The following CACNA2D1 variants were observed in gnomAD, a reference collection of about 807,000 sequenced individuals.
CACNA2D1 encodes calcium voltage-gated channel auxiliary subunit alpha2delta 1.
CACNA2D1 carries 53 observed loss-of-function variants against 171.5 expected under a neutral mutation model. The ratio of observed to expected loss-of-function variants is 0.31; its 90% CI spans 0.25 to 0.39. The LOEUF (loss-of-function observed/expected upper bound fraction) is 0.39. Among genes scored for constraint, CACNA2D1 ranks in the 10% least tolerant of loss-of-function variants. The pLI is 1.00. For missense variants in CACNA2D1, 903 were observed against 1,299.8 expected (o/e 0.69, Z 4.69); for synonymous variants, 442 against 443.1 (o/e 1.00, Z 0.03).
At chr7:82,199,749 A>G (rs1799220773) in intron 3 of CACNA2D1, among the ~76,000 whole-genome samples, 1 of 152,116 alleles carries the variant, frequency 6.6e-6, no homozygotes, top group South Asian at 2.1e-4. Flanking sequence ...AAGTAAAAGC[A>G]TATGTCCATA....
chr7:82,226,704 T>G (rs1443724941), intron 3 of CACNA2D1, among the ~76,000 whole-genome samples: 1 of 152,212 alleles, frequency 6.6e-6, no homozygotes, highest in African/African-American at 2.4e-5. Context: ...AAATAAATAC[T>G]ATGAGATCAG....
intron 3 of CACNA2D1, among the ~76,000 whole-genome samples, chr7:82,219,010 A>C (rs2367914): frequency 0.61 from 92,134 of 151,940 alleles, 28,751 homozygotes; most frequent in East Asian, 0.81. Context: ...CTTCTTTTCT[A>C]TATTCTGTGA....
chr7:82,250,038 T>A (rs1474464206), intron 3 of CACNA2D1, among the ~76,000 whole-genome samples: 1 of 152,258 alleles, frequency 6.6e-6, no homozygotes, highest in African/African-American at 2.4e-5. Context: ...AGCGAGGGTC[T>A]TCCCATGGTG....
At chr7:82,407,118 G>A (rs528216626) in intron 1 of CACNA2D1, among the ~76,000 whole-genome samples, 17 of 152,260 alleles carry the variant, frequency 1.1e-4, no homozygotes, top group South Asian at 2.1e-4. Context: ...GTTGCAGCAC[G>A]GCTCAAATTA....
At position 82,223,519 on chromosome 7, in the gene CACNA2D1, T is replaced by C. The variant is rs565064577; in HGVS notation, c.295-52910A>G. On this transcript the variant is annotated intron_variant, in intron 3 of 38. Coordinates refer to ENST00000356860, the MANE Select transcript of CACNA2D1 (RefSeq NM_000722.4). ...TAGAAAGCAGGAAAGACAGAGAGCA[T>C]CAGGGCATCCTTGCACTTTAGATGC... is the stretch of plus-strand genomic sequence containing the variant. 3.9e-5 allele frequency among the ~76,000 whole-genome samples: 6 copies of C among 152,316 alleles called. No individual in the cohort carries two copies. The South Asian group carries it at 1.2e-3, about 32-fold the overall frequency.
chr7:81,982,162 ACT>A (rs34171598), intron 24 of CACNA2D1, among the ~76,000 whole-genome samples: 44,763 of 151,168 alleles, frequency 0.3, 6,796 homozygotes, highest in East Asian at 0.37. Context: ...ATGGAGTCTC[ACT>A]CTGTCATGAG....
At position 82,015,514 on chromosome 7, in the gene CACNA2D1, A is replaced by C. The variant is rs191234134; in HGVS notation, c.1144-1035T>G. Among the ~76,000 whole-genome samples the C allele has an allele frequency of 4.6e-5, 7 of 152,282 alleles. No homozygotes were observed. The East Asian group carries it at 1.3e-3, about 29-fold the overall frequency. On this transcript the variant is annotated intron_variant, in intron 12 of 38. Transcript: ENST00000356860. The stretch of plus-strand genomic sequence containing the variant: ...ATTTAAATAATAGTGTGAAAGTATA[A>C]AAGGTAAATTCCATGAGGTCAACCT...
At position 82,253,997 on chromosome 7, in the gene CACNA2D1, G is replaced by A. The variant is rs937963272; in HGVS notation, c.294+81138C>T. Among the ~76,000 whole-genome samples, 12 of 152,144 alleles carry A rather than the reference G, an allele frequency of 7.9e-5. No individual in the cohort carries two copies. The South Asian group carries it at 8.3e-4, about 11-fold the overall frequency. The stretch of plus-strand genomic sequence containing the variant: ...ACTTAAAAACAAAGCATTAAAAGTT[G>A]ATGCTACCAATAGATTACTCATCTA... On this transcript the variant is annotated intron_variant, in intron 3 of 38. Transcript: ENST00000356860.
In CACNA2D1 at chr7:82,084,718, C is replaced by T. The variant is rs1333710876; in HGVS notation, c.658+51G>A. 1.9e-6 allele frequency: 3 copies of T among 1,603,942 alleles called. No individual in the cohort carries two copies. In the South Asian group the frequency reaches 3.3e-5, roughly 18 times the overall value. ...TCAGGGAAGATAACAGAGTATTCTCCAGAAACATTGAGGCTGGAACTTGAC... is the reference window on the plus strand; with the variant it reads ...TCAGGGAAGATAACAGAGTATTCTCTAGAAACATTGAGGCTGGAACTTGAC... On this transcript the variant is annotated intron_variant, in intron 7 of 38. Coordinates refer to ENST00000356860, the MANE Select transcript of CACNA2D1 (RefSeq NM_000722.4).
At position 82,405,253 on chromosome 7, in the gene CACNA2D1, A is replaced by C. The variant is rs73386023; in HGVS notation, c.95+38112T>G. 3.4e-3 allele frequency among the ~76,000 whole-genome samples: 511 copies of C among 152,312 alleles called. 2 individuals carry two copies. Among genetic ancestry groups the C allele is most frequent in the African/African-American group, 0.012 (491 of 41,580 alleles). On this transcript the variant is annotated intron_variant, in intron 1 of 38. Coordinates refer to ENST00000356860, the MANE Select transcript of CACNA2D1 (RefSeq NM_000722.4). Reference sequence around the variant, plus strand: ...TTAGACAATAGTAGTAACATAAAAAAATAGATGGTTAACACACTTTCTTTT... The same window carrying C: ...TTAGACAATAGTAGTAACATAAAAACATAGATGGTTAACACACTTTCTTTT...
chr7:82,060,394 T>A, intron 10 of CACNA2D1, 34 bp downstream of exon 10: 6 of 1,440,088 alleles, frequency 4.2e-6, no homozygotes, highest in Non-Finnish European at 5.8e-6. Context: ...AATTGCAAAT[T>A]TAATTCAGGA....
chr7:82,139,265 AATC>A (rs1792072392), intron 4 of CACNA2D1, among the ~76,000 whole-genome samples: 1 of 152,196 alleles, frequency 6.6e-6, no homozygotes, highest in Non-Finnish European at 1.5e-5. Context: ...ATAAATAAAT[AATC>A]ATCAAGGCTA....
At chr7:82,008,581 G>A (rs1799386708) in intron 15 of CACNA2D1, among the ~76,000 whole-genome samples, 1 of 152,070 alleles carries the variant, frequency 6.6e-6, no homozygotes, top group African/African-American at 2.4e-5. Flanking sequence ...ACCATTTCAT[G>A]TCAAAACTAC....
rs1470599656 is a variant in CACNA2D1 at position 82,426,166 on chromosome 7, AATAAATAAATAAATAC to A, written c.95+17183_95+17198del. ...AAATAAATAAATAAATAAATAAATA[AATAAATAAATAAATAC>A]ATAAATTCTATTTGGTTTGTTTAGA... On this transcript the variant is annotated intron_variant, in intron 1 of 38. Coordinates refer to ENST00000356860, the MANE Select transcript of CACNA2D1 (RefSeq NM_000722.4). Among the ~76,000 whole-genome samples, 776 of 138,216 alleles carry A rather than the reference AATAAATAAATAAATAC, an allele frequency of 5.6e-3. 8 individuals are homozygous for A. The highest frequency in any genetic ancestry group is 0.021 in the African/African-American group (715 of 34,046). 90.7% of individuals were successfully genotyped at this position (138,216 alleles called of 152,430 possible).
chr7:82,179,156 G>T (rs1193341564), intron 3 of CACNA2D1, among the ~76,000 whole-genome samples: 1 of 151,996 alleles, frequency 6.6e-6, no homozygotes, highest in Non-Finnish European at 1.5e-5. Flanking sequence ...ATATGGCTAG[G>T]GAAGTGGCAA....
In CACNA2D1 at chr7:82,442,595, G is replaced by T. The variant is rs10258754; in HGVS notation, c.95+770C>A. On this transcript the variant is annotated intron_variant, in intron 1 of 38. Coordinates refer to ENST00000356860, the MANE Select transcript of CACNA2D1 (RefSeq NM_000722.4). ...AGCCCTCTATTTCCAGAACAGCAGC[G>T]AGGTTTTTAAAAGTTATTTTAGAAA... Among the ~76,000 whole-genome samples the T allele has an allele frequency of 2.8e-3, 432 of 152,296 alleles. 3 individuals are homozygous for T. The highest frequency in any genetic ancestry group is 9.4e-3 in the African/African-American group (389 of 41,564).
intron 3 of CACNA2D1, among the ~76,000 whole-genome samples, chr7:82,239,859 A>G (rs1000687709): frequency 6.6e-6 from 1 of 152,148 alleles, no homozygotes; most frequent in East Asian, 1.9e-4. Context: ...ATGTGTATAC[A>G]TACACATTAC....
At chr7:82,193,133 G>A (rs1460198431) in intron 3 of CACNA2D1, among the ~76,000 whole-genome samples, 2 of 151,824 alleles carry the variant, frequency 1.3e-5, no homozygotes, top group South Asian at 2.1e-4. Flanking sequence ...GTTAGCTTTG[G>A]AATGAGAATT....
At chr7:82,238,709 G>C (rs1055207939) in intron 3 of CACNA2D1, among the ~76,000 whole-genome samples, 1 of 152,040 alleles carries the variant, frequency 6.6e-6, no homozygotes, top group Non-Finnish European at 1.5e-5. Context: ...AGGAATCTTG[G>C]ATCTTGACTT....
Sources: allele counts gnomAD v4.1 joint callset (sites outside exome capture counted in the v4.1 genomes callset), GRCh38; gene constraint gnomAD v4.1.1; transcripts MANE v1.5; gene names NCBI Gene and HGNC (gene_info 2026-07-23, HGNC 2026-07-21).